Variants in FBXW7 observed in about 807,000 individuals in gnomAD.
The protein encoded by FBXW7 is F-box/WD repeat-containing protein 7.
FBXW7 carries 11 observed loss-of-function variants against 86.3 expected under a neutral mutation model. The ratio of observed to expected loss-of-function variants is 0.13; its 90% CI spans 0.08 to 0.21. The LOEUF is 0.21. FBXW7 is among the 10% of genes least tolerant of loss of function. The pLI, the probability that FBXW7 is intolerant of heterozygous loss-of-function variation, is 1.00. For missense variants in FBXW7, 488 were observed against 847.4 expected, an observed-to-expected ratio of 0.58 and a Z score of 5.27; for synonymous variants, 313 against 297.9, an observed-to-expected ratio of 1.05 and a Z score of -0.52.
chr4:152,362,678 A>C (rs1365684069), intron 4 of FBXW7, among the ~76,000 whole-genome samples: 2 of 151,794 alleles, frequency 1.3e-5, no homozygotes, highest in Admixed American at 6.6e-5. Context: ...TATAAAACAA[A>C]TTAGCCAGGC....
rs554977989 is a variant in FBXW7 at position 152,361,706 on chromosome 4, T to C, written c.502-11582A>G. On this transcript the variant is annotated intron_variant, in intron 4 of 13. Transcript: ENST00000281708. ...GAAAACTAACTTTTGACAGGCATGG[T>C]GGCTCACACCTGTAATCCCAGCATT... Among the ~76,000 whole-genome samples, 4 of 152,252 alleles carry C rather than the reference T, an allele frequency of 2.6e-5. No individual in the cohort carries two copies. In the South Asian group the frequency reaches 8.3e-4, roughly 31 times the overall value.
At chr4:152,382,709 AGAAAGT>A (rs1735200429) in intron 4 of FBXW7, among the ~76,000 whole-genome samples, 1 of 152,148 alleles carries the variant, frequency 6.6e-6, no homozygotes, top group South Asian at 2.1e-4. Flanking sequence ...AGTGTTTCCT[AGAAAGT>A]GAAAGTAAAT....
rs397995836 is a variant in FBXW7, at chr4:152,397,695, C to CAA, written c.501+13606_501+13607dup. Among the ~76,000 whole-genome samples the CAA allele has an allele frequency of 7.7e-3, 462 of 60,356 alleles. 10 individuals are homozygous for CAA. Among genetic ancestry groups the CAA allele is most frequent in the South Asian group, 0.017 (26 of 1,550 alleles). 39.6% of individuals were successfully genotyped at this position (60,356 alleles called of 152,430 possible). ...TTCTCATTTCTTTACCCTAAGAAGC[C>CAA]AAAAAAAAAAAAAAAAAAAAAAAAA... On this transcript the variant is annotated intron_variant, in intron 4 of 13. Coordinates refer to ENST00000281708, the MANE Select transcript of FBXW7 (RefSeq NM_001349798.2).
chr4:152,347,350 T>C (rs1731370625), intron 5 of FBXW7, among the ~76,000 whole-genome samples: 1 of 152,128 alleles, frequency 6.6e-6, no homozygotes, highest in Non-Finnish European at 1.5e-5. Context: ...AAACTGCAAG[T>C]TGTTAATATA....
At chr4:152,325,870 G>A (rs1229846702) in intron 12 of FBXW7, 136 bp downstream of exon 12, 21 of 585,480 alleles carry the variant, frequency 3.6e-5, no homozygotes, top group South Asian at 2.4e-4. Context: ...CAATTTTAAC[G>A]TATATAAAAA....
chr4:152,358,485 A>C (rs1443158330), intron 4 of FBXW7, among the ~76,000 whole-genome samples: 1 of 152,120 alleles, frequency 6.6e-6, no homozygotes, highest in Non-Finnish European at 1.5e-5. Context: ...TCATGATAAA[A>C]AAGTTTTGAG....
At chr4:152,384,621 T>C (rs980793301) in intron 4 of FBXW7, among the ~76,000 whole-genome samples, 4 of 152,052 alleles carry the variant, frequency 2.6e-5, no homozygotes, top group African/African-American at 9.7e-5. Flanking sequence ...TATAACAATG[T>C]AAATATATTT....
intron 2 of FBXW7, among the ~76,000 whole-genome samples, chr4:152,475,171 T>C (rs902096861): frequency 6.6e-6 from 1 of 151,408 alleles, no homozygotes; most frequent in Non-Finnish European, 1.5e-5. Flanking sequence ...CCAAGTGTGG[T>C]GGCTAATGCC....
At chr4:152,366,979 A>G (rs960324468) in intron 4 of FBXW7, among the ~76,000 whole-genome samples, 3 of 152,190 alleles carry the variant, frequency 2.0e-5, no homozygotes, top group Admixed American at 2.0e-4. Context: ...CTTTGTAGGG[A>G]CATGGATGAA....
intron 4 of FBXW7, among the ~76,000 whole-genome samples, chr4:152,401,645 T>G (rs1331643365): frequency 6.6e-6 from 1 of 151,992 alleles, no homozygotes; most frequent in African/African-American, 2.4e-5. Context: ...ACCCACAGAG[T>G]GCACAACACC....
chr4:152,499,308 A>T (rs918067424), intron 2 of FBXW7, among the ~76,000 whole-genome samples: 3 of 152,184 alleles, frequency 2.0e-5, no homozygotes, highest in Non-Finnish European at 4.4e-5. Context: ...TCTTACACAG[A>T]TGCATCTGAT....
intron 2 of FBXW7, among the ~76,000 whole-genome samples, chr4:152,437,881 C>G (rs1028468405): frequency 7.9e-5 from 12 of 152,142 alleles, no homozygotes; most frequent in African/African-American, 2.4e-4. Context: ...TTTTAGCAAT[C>G]AAGTATTTTT....
At chr4:152,534,813 T>G (rs1750354041) in intron 2 of FBXW7, 128 bp downstream of exon 2, 1 of 152,140 alleles carries the variant, frequency 6.6e-6, no homozygotes. Context: ...CCCCCCTCCG[T>G]GAATAAAGCT....
At chr4:152,453,873 A>C (rs936178095) in intron 2 of FBXW7, among the ~76,000 whole-genome samples, 3 of 152,168 alleles carry the variant, frequency 2.0e-5, no homozygotes, top group Admixed American at 1.3e-4. Context: ...ATGAACCTCT[A>C]TATATATACT....
At chr4:152,376,097 C>T (rs1305759833) in intron 4 of FBXW7, among the ~76,000 whole-genome samples, 1 of 151,846 alleles carries the variant, frequency 6.6e-6, no homozygotes, top group East Asian at 1.9e-4. Flanking sequence ...TATTTCTGAC[C>T]CGTGAGATTA....
intron 2 of FBXW7, among the ~76,000 whole-genome samples, chr4:152,438,419 T>A (rs1740583098): frequency 6.6e-6 from 1 of 152,124 alleles, no homozygotes; most frequent in Non-Finnish European, 1.5e-5. Flanking sequence ...GGCTCATGCC[T>A]GTAATCTCAG....
At chr4:152,439,742 T>C (rs1187314268) in intron 2 of FBXW7, among the ~76,000 whole-genome samples, 1 of 151,894 alleles carries the variant, frequency 6.6e-6, no homozygotes, top group Non-Finnish European at 1.5e-5. Context: ...GGCAGGCACC[T>C]GTAGTCCCAG....
At chr4:152,363,031 CT>C (rs1430091177) in intron 4 of FBXW7, among the ~76,000 whole-genome samples, 1 of 152,070 alleles carries the variant, frequency 6.6e-6, no homozygotes, top group African/African-American at 2.4e-5. Flanking sequence ...AATTTACCCC[CT>C]ACCAATCCAT....
chr4:152,362,067 G>C (rs780425604), intron 4 of FBXW7, among the ~76,000 whole-genome samples: 39 of 151,924 alleles, frequency 2.6e-4, no homozygotes, highest in Non-Finnish European at 4.6e-4. Flanking sequence ...CCTTTATGTG[G>C]AATGAATATC....
Sources: gnomAD v4.1 joint callset for allele counts (sites outside exome capture counted in the v4.1 genomes callset) on GRCh38, gnomAD v4.1.1 for gene constraint, MANE v1.5 for transcripts, NCBI Gene and HGNC (gene_info 2026-07-23, HGNC 2026-07-21) for gene names.